The following OPCML variants were observed in gnomAD, a reference collection of about 807,000 sequenced individuals.
The protein encoded by OPCML is opioid binding protein/cell adhesion molecule like, also known as opioid-binding protein/cell adhesion molecule.
In OPCML, 13 loss-of-function variants were observed where a neutral mutation model predicts 37.8. The ratio of observed to expected loss-of-function variants is 0.34; its 90% CI spans 0.22 to 0.55. OPCML has a LOEUF of 0.55. Among genes scored for constraint, OPCML ranks in the 20% least tolerant of loss-of-function variants. The pLI, the probability that OPCML is intolerant of heterozygous loss-of-function variation, is 0.91. For missense variants in OPCML, 341 were observed against 435.6 expected (o/e 0.78, Z 1.93); for synonymous variants, 176 against 168.8 (o/e 1.04, Z -0.33).
intron 3 of OPCML, among the ~76,000 whole-genome samples, chr11:132,559,209 A>G (rs1350710227): frequency 6.6e-6 from 1 of 152,036 alleles, no homozygotes; most frequent in Non-Finnish European, 1.5e-5. Flanking sequence ...GAGGAAGGAG[A>G]ACATGCAGCA....
In OPCML at chr11:132,817,460, C is replaced by A. The variant is rs528094414; in HGVS notation, c.146+125466G>T. On this transcript the variant is annotated intron_variant, in intron 2 of 7. Coordinates refer to ENST00000524381, the MANE Select transcript of OPCML (RefSeq NM_001012393.5). ...GGGACCACAGGTGTTTTCATGGCTTCTTTTTTTGTCTTTGGAAAAAAAATT... is the reference window on the plus strand; with the variant it reads ...GGGACCACAGGTGTTTTCATGGCTTATTTTTTTGTCTTTGGAAAAAAAATT... Among the ~76,000 whole-genome samples the A allele has an allele frequency of 1.7e-3, 258 of 151,976 alleles. 1 individual carries two copies. The highest frequency in any genetic ancestry group is 5.9e-3 in the African/African-American group (243 of 41,444).
intron 1 of OPCML, among the ~76,000 whole-genome samples, chr11:133,468,459 G>A (rs949071849): frequency 1.3e-5 from 2 of 152,228 alleles, no homozygotes; most frequent in African/African-American, 4.8e-5. Flanking sequence ...CGGCAGCCAG[G>A]AGGCACAAGC....
chr11:133,521,015 A>G (rs1327229361), intron 1 of OPCML, among the ~76,000 whole-genome samples: 2 of 152,152 alleles, frequency 1.3e-5, no homozygotes, highest in Non-Finnish European at 2.9e-5. Flanking sequence ...CTCCACTGCT[A>G]GTTATCATCA....
chr11:132,560,574 T>G (rs1359921705), intron 3 of OPCML, among the ~76,000 whole-genome samples: 1 of 152,192 alleles, frequency 6.6e-6, no homozygotes, highest in African/African-American at 2.4e-5. Flanking sequence ...TTCTCATAGT[T>G]TAGCTCCCAT....
chr11:132,905,135 T>A (rs1182766397), intron 2 of OPCML, among the ~76,000 whole-genome samples: 1 of 152,164 alleles, frequency 6.6e-6, no homozygotes, highest in Non-Finnish European at 1.5e-5. Flanking sequence ...ACATACCCAT[T>A]TTATAATTAA....
intron 1 of OPCML, among the ~76,000 whole-genome samples, chr11:133,327,120 T>C (rs1565573934): frequency 1.4e-5 from 1 of 69,560 alleles, no homozygotes; most frequent in African/African-American, 5.9e-5. Flanking sequence ...GGGGAGGGTG[T>C]GGGTGTGTGG....
intron 2 of OPCML, among the ~76,000 whole-genome samples, chr11:132,748,453 G>T (rs758420812): frequency 2.0e-5 from 3 of 152,190 alleles, no homozygotes; most frequent in Non-Finnish European, 4.4e-5. Flanking sequence ...GGGAGAGTTA[G>T]ATTTAAAAAT....
rs990673106 is a variant in OPCML, at chr11:132,852,618, AAAAG to A, written c.146+90304_146+90307del. Reference sequence around the variant, plus strand: ...ACGCCTGCGCACAAAGGAGAAAAAAAAAAGAGAGAGAGAAGAAAAGAAAAGGAAA... The same window carrying A: ...ACGCCTGCGCACAAAGGAGAAAAAAAAGAGAGAGAAGAAAAGAAAAGGAAA... On this transcript the variant is annotated intron_variant, in intron 2 of 7. Coordinates refer to ENST00000524381, the MANE Select transcript of OPCML (RefSeq NM_001012393.5). Among the ~76,000 whole-genome samples the A allele has an allele frequency of 3.3e-5, 5 of 152,262 alleles. No homozygotes were observed. In the South Asian group the frequency reaches 6.2e-4, roughly 19 times the overall value.
At chr11:133,263,158 T>C (rs1197349777) in intron 1 of OPCML, among the ~76,000 whole-genome samples, 1 of 152,106 alleles carries the variant, frequency 6.6e-6, no homozygotes, top group African/African-American at 2.4e-5. Flanking sequence ...CCCTCATTTT[T>C]TTCTCTTTAA....
At chr11:132,483,482 C>A (rs532781073) in intron 4 of OPCML, among the ~76,000 whole-genome samples, 2 of 152,036 alleles carry the variant, frequency 1.3e-5, no homozygotes, top group Non-Finnish European at 2.9e-5. Flanking sequence ...ATGAAAATGG[C>A]CATACTGCCC....
At chr11:132,921,579 C>G (rs55861545) in intron 2 of OPCML, among the ~76,000 whole-genome samples, 38,519 of 152,160 alleles carry the variant, frequency 0.25, 7,702 homozygotes, top group African/African-American at 0.55. Context: ...ATGCCAGAAA[C>G]CCTCTTTCCA....
intron 4 of OPCML, among the ~76,000 whole-genome samples, chr11:132,458,394 T>A (rs139674177): frequency 6.6e-6 from 1 of 152,302 alleles, no homozygotes; most frequent in East Asian, 1.9e-4. Flanking sequence ...GCAGTTTAAT[T>A]ATGCACAGCA....
chr11:132,902,350 A>G (rs1344983009), intron 2 of OPCML, among the ~76,000 whole-genome samples: 2 of 152,068 alleles, frequency 1.3e-5, no homozygotes, highest in Non-Finnish European at 2.9e-5. Flanking sequence ...GAAAATAAAA[A>G]ACTTCCTGAG....
chr11:132,681,672 G>A (rs1942948579), intron 2 of OPCML, among the ~76,000 whole-genome samples: 1 of 152,104 alleles, frequency 6.6e-6, no homozygotes, highest in Non-Finnish European at 1.5e-5. Context: ...TCACACTGAT[G>A]CAGCCAGCCG....
chr11:132,731,504 G>T (rs1046517793), intron 2 of OPCML, among the ~76,000 whole-genome samples: 19 of 152,268 alleles, frequency 1.2e-4, no homozygotes, highest in African/African-American at 4.6e-4. Flanking sequence ...CAAAAGTTGA[G>T]TTATGTCTAT....
chr11:132,635,710 C>G (rs1940450608), intron 3 of OPCML, among the ~76,000 whole-genome samples: 1 of 152,122 alleles, frequency 6.6e-6, no homozygotes, highest in Non-Finnish European at 1.5e-5. Context: ...TTTTATCAAA[C>G]AAGATAATCT....
chr11:132,675,200 AC>A (rs1942649216), intron 2 of OPCML, among the ~76,000 whole-genome samples: 2 of 139,362 alleles, frequency 1.4e-5, no homozygotes, highest in African/African-American at 5.4e-5. Context: ...TATATATATA[AC>A]TTTACATATA....
chr11:133,216,150 T>C (rs1432920981), intron 1 of OPCML, among the ~76,000 whole-genome samples: 3 of 152,210 alleles, frequency 2.0e-5, no homozygotes, highest in Non-Finnish European at 4.4e-5. Flanking sequence ...GATTCCCGTA[T>C]GTGATTGCCC....
chr11:133,222,305 G>A, intron 1 of OPCML, among the ~76,000 whole-genome samples: 1 of 152,236 alleles, frequency 6.6e-6, no homozygotes, highest in East Asian at 1.9e-4. Flanking sequence ...GAGATGCAGG[G>A]TGGTTGTTCA....
Sources: gnomAD v4.1 joint callset for allele counts (sites outside exome capture counted in the v4.1 genomes callset) on GRCh38, gnomAD v4.1.1 for gene constraint, MANE v1.5 for transcripts, NCBI Gene and HGNC (gene_info 2026-07-23, HGNC 2026-07-21) for gene names.